EML6: variants seen among roughly 807,000 people sequenced by gnomAD.
EML6 encodes echinoderm microtubule-associated protein-like 6.
A neutral mutation model predicts 240.1 loss-of-function variants in EML6; 154 were observed. The observed-to-expected ratio is 0.64, with a 90% CI of 0.56 to 0.73. EML6 has a LOEUF of 0.73. EML6 is among the 30% of genes least tolerant of loss of function. EML6 has a pLI of 0.00. For missense variants in EML6, 2,964 were observed against 2,474.6 expected (o/e 1.20, Z -4.20); for synonymous variants, 1,148 against 899.0 (o/e 1.28, Z -4.95).
rs952476281 is a variant in EML6, at chr2:54,827,558, C to T, written c.526-8C>T. 43 of 1,549,232 alleles carry T rather than the reference C, an allele frequency of 2.8e-5. No homozygotes were observed. Among genetic ancestry groups the T allele is most frequent in the Non-Finnish European group, 3.5e-5 (40 of 1,145,158 alleles). The stretch of plus-strand genomic sequence containing the variant: ...TCTTGGAGATCTATTTTATCACTTA[C>T]ATTGTAGTTTTGGACACTGTGTGGA... On this transcript the variant is annotated splice_region_variant and splice_polypyrimidine_tract_variant and intron_variant, in intron 5 of 41. Coordinates refer to ENST00000356458, the MANE Select transcript of EML6 (RefSeq NM_001039753.4).
intron 28 of EML6, among the ~76,000 whole-genome samples, chr2:54,942,860 T>G (rs963094740): frequency 1.3e-5 from 2 of 152,180 alleles, no homozygotes; most frequent in Non-Finnish European, 2.9e-5. Flanking sequence ...CCTAGACACC[T>G]TCATTTTTCC....
At chr2:54,745,794 G>T (rs1258127372) in intron 2 of EML6, among the ~76,000 whole-genome samples, 2 of 151,972 alleles carry the variant, frequency 1.3e-5, no homozygotes. Context: ...AATAAAAAGA[G>T]CTTAAGATAA....
intron 32 of EML6, 128 bp from the exon 33 acceptor site, chr2:54,957,662 G>T (rs561691146): frequency 8.9e-6 from 7 of 784,172 alleles, no homozygotes; most frequent in Non-Finnish European, 1.5e-5. Context: ...CTGAAGGGGA[G>T]AGAGTGCTGT....
chr2:54,859,784 A>G, intron 12 of EML6, 83 bp downstream of exon 12: 6 of 1,223,662 alleles, frequency 4.9e-6, no homozygotes, highest in Non-Finnish European at 6.5e-6. Flanking sequence ...TTCTATAGGT[A>G]AAGGATTTAA....
chr2:54,788,962 C>T (rs886129268), intron 2 of EML6, among the ~76,000 whole-genome samples: 1 of 152,152 alleles, frequency 6.6e-6, no homozygotes, highest in Admixed American at 6.5e-5. Flanking sequence ...CTTCTCCATC[C>T]GCCCCACCCC....
intron 32 of EML6, 35 bp from the exon 33 acceptor site, chr2:54,957,755 A>C (rs905541851): frequency 1.3e-6 from 2 of 1,543,490 alleles, no homozygotes; most frequent in Admixed American, 2.0e-5. Context: ...CCATGAAGCA[A>C]TGAGGAGCCT....
At chr2:54,891,194 T>C (rs1402673489) in intron 18 of EML6, 40 bp downstream of exon 18, 1 of 1,024,952 alleles carries the variant, frequency 9.8e-7, no homozygotes, top group Admixed American at 2.2e-5. Context: ...GATTGAGAGC[T>C]TTACCCTAGC....
intron 17 of EML6, among the ~76,000 whole-genome samples, chr2:54,890,642 T>A (rs1245524004): frequency 6.6e-6 from 1 of 152,186 alleles, no homozygotes; most frequent in Admixed American, 6.5e-5. Flanking sequence ...GAGTGATTCA[T>A]GTGAAGCTTT....
intron 28 of EML6, among the ~76,000 whole-genome samples, chr2:54,939,051 G>A (rs541666882): frequency 2.6e-5 from 4 of 152,298 alleles, no homozygotes; most frequent in African/African-American, 9.6e-5. Context: ...GAACATGCTG[G>A]CACTTAGTAA....
Position 54,853,728 on chromosome 2 carries a change from A to G in EML6, c.1530A>G (p.Gly510=). ...GCGTGAAAGGCCCTGAAGTGAGTGGAATTTGGCCCAAATACACTGAGGTTA... is the reference window on the plus strand; with the variant it reads ...GCGTGAAAGGCCCTGAAGTGAGTGGGATTTGGCCCAAATACACTGAGGTTA... ...WTCVKGPEVS[G]IWPKYTEVTD... Residue 510 remains glycine (G), a synonymous_variant, in exon 11 of 42, where the codon GGA becomes GGG. Transcript: ENST00000356458. 1.9e-6 allele frequency: 3 copies of G among 1,551,622 alleles called. No individual in the cohort carries two copies. Among genetic ancestry groups the G allele is most frequent in the Non-Finnish European group, 1.7e-6 (2 of 1,146,922 alleles).
chr2:54,769,693 A>G (rs2103798075), intron 2 of EML6, among the ~76,000 whole-genome samples: 1 of 152,362 alleles, frequency 6.6e-6, no homozygotes, highest in South Asian at 2.1e-4. Flanking sequence ...AAACATACTC[A>G]TGACGTCCAA....
rs1042096029 is a variant in EML6, at chr2:54,816,936, T to G, written c.456+51T>G. The G allele has an allele frequency of 3.6e-6, 4 of 1,114,822 alleles. No homozygotes were observed. The African/African-American group carries it at 4.6e-5, about 13-fold the overall frequency. 69.1% of individuals were successfully genotyped at this position (1,114,822 alleles called of 1,614,324 possible). A position where few individuals can be genotyped will look rare whatever the true frequency, so the allele number is the denominator to read the frequency against. On this transcript the variant is annotated intron_variant, in intron 4 of 41. Transcript: ENST00000356458. ...GCAGATTTCAGAACTTGGGGGGACTTGTGATATCGCGTCTCAGACTTCTAA... is the reference window on the plus strand; with the variant it reads ...GCAGATTTCAGAACTTGGGGGGACTGGTGATATCGCGTCTCAGACTTCTAA...
chr2:54,816,157 C>A (rs932103326), intron 3 of EML6, among the ~76,000 whole-genome samples: 1 of 152,096 alleles, frequency 6.6e-6, no homozygotes, highest in Non-Finnish European at 1.5e-5. Context: ...ATGACTGTTG[C>A]CTGTTTTTCA....
At chr2:54,744,097 T>C (rs1683787151) in intron 2 of EML6, among the ~76,000 whole-genome samples, 2 of 147,254 alleles carry the variant, frequency 1.4e-5, no homozygotes, top group South Asian at 2.2e-4. Context: ...GGCATTTACA[T>C]TGAACAATGG....
chr2:54,944,719 A>G (rs1675592954), intron 28 of EML6, among the ~76,000 whole-genome samples: 1 of 152,088 alleles, frequency 6.6e-6, no homozygotes, highest in Admixed American at 6.5e-5. Context: ...CTTTCAGGAC[A>G]TCCTGCAGTT....
intron 26 of EML6, among the ~76,000 whole-genome samples, chr2:54,917,363 T>G (rs1445190249): frequency 1.3e-5 from 2 of 149,830 alleles, no homozygotes; most frequent in East Asian, 1.9e-4. Flanking sequence ...TTTTTGTTTT[T>G]TTTTTTTTTT....
intron 11 of EML6, among the ~76,000 whole-genome samples, chr2:54,857,599 A>G (rs1247850055): frequency 2.0e-5 from 3 of 152,224 alleles, no homozygotes; most frequent in African/African-American, 7.2e-5. Context: ...AAGAAAAATA[A>G]AGCAAACAGT....
intron 2 of EML6, among the ~76,000 whole-genome samples, chr2:54,755,742 C>T (rs1396500920): frequency 6.6e-6 from 1 of 151,950 alleles, no homozygotes; most frequent in Non-Finnish European, 1.5e-5. Context: ...CTCACTGCAC[C>T]CTCCACCTCC....
chr2:54,893,517 T>C (rs2104119462), intron 19 of EML6, among the ~76,000 whole-genome samples: 1 of 152,302 alleles, frequency 6.6e-6, no homozygotes, highest in African/African-American at 2.4e-5. Context: ...AGTTCCCACA[T>C]CTTAGTACTG....
Sources: gnomAD v4.1 joint callset for allele counts (sites outside exome capture counted in the v4.1 genomes callset) on GRCh38, gnomAD v4.1.1 for gene constraint, MANE v1.5 for transcripts, NCBI Gene and HGNC (gene_info 2026-07-23, HGNC 2026-07-21) for gene names.